Variants in DPYD observed in about 807,000 individuals in gnomAD.
The protein encoded by DPYD is dihydropyrimidine dehydrogenase, also known as dihydropyrimidine dehydrogenase [NADP(+)].
DPYD carries 109 observed loss-of-function variants against 116.2 expected under a neutral mutation model. The observed-to-expected ratio is 0.94, with a 90% CI of 0.80 to 1.10. DPYD has a LOEUF of 1.10. Among genes scored for constraint, DPYD ranks in the 50% least tolerant of loss-of-function variants. The pLI is 0.00. For missense variants in DPYD, 1,302 were observed against 1,254.5 expected (o/e 1.04, Z -0.57); for synonymous variants, 440 against 432.0 (o/e 1.02, Z -0.23).
chr1:97,519,619 T>C (rs2101986613), intron 12 of DPYD, among the ~76,000 whole-genome samples: 1 of 152,244 alleles, frequency 6.6e-6, no homozygotes, highest in South Asian at 2.1e-4. Flanking sequence ...GCTAGAACAA[T>C]CAAAGAGACT....
chr1:97,814,788 C>A (rs963120971), intron 3 of DPYD, among the ~76,000 whole-genome samples: 1 of 151,528 alleles, frequency 6.6e-6, no homozygotes, highest in Admixed American at 6.6e-5. Flanking sequence ...CCTGTAGTCC[C>A]AGCTACTCAG....
At chr1:97,815,247 C>T (rs1268574023) in intron 3 of DPYD, among the ~76,000 whole-genome samples, 1 of 151,860 alleles carries the variant, frequency 6.6e-6, no homozygotes, top group African/African-American at 2.4e-5. Flanking sequence ...TTAGGGGAGA[C>T]ATCAAAAGTA....
At chr1:97,192,602 C>T (rs866852640) in intron 20 of DPYD, among the ~76,000 whole-genome samples, 5 of 152,212 alleles carry the variant, frequency 3.3e-5, no homozygotes, top group South Asian at 4.1e-4. Context: ...GGACCATAAC[C>T]GTTTGAGACC....
At chr1:97,206,672 A>C (rs1246240623) in intron 19 of DPYD, among the ~76,000 whole-genome samples, 5 of 103,218 alleles carry the variant, frequency 4.8e-5, no homozygotes, top group East Asian at 3.0e-4. Context: ...ATATATATAT[A>C]TATATATATA....
chr1:97,890,726 C>A (rs2101658987), intron 1 of DPYD, among the ~76,000 whole-genome samples: 1 of 152,020 alleles, frequency 6.6e-6, no homozygotes, highest in Non-Finnish European at 1.5e-5. Context: ...GTTATTCTAA[C>A]ATTTAAAGCA....
At chr1:97,135,804 G>T (rs2101682122) in intron 20 of DPYD, among the ~76,000 whole-genome samples, 1 of 152,260 alleles carries the variant, frequency 6.6e-6, no homozygotes, top group South Asian at 2.1e-4. Flanking sequence ...AAAAGCAGAT[G>T]TCTAGACAGG....
chr1:97,724,614 T>G (rs1439813095), intron 4 of DPYD, among the ~76,000 whole-genome samples: 1 of 151,554 alleles, frequency 6.6e-6, no homozygotes, highest in Non-Finnish European at 1.5e-5. Flanking sequence ...GCTAGCATTT[T>G]GTTTTATTCA....
intron 18 of DPYD, among the ~76,000 whole-genome samples, chr1:97,257,041 T>A (rs1663528396): frequency 6.6e-6 from 1 of 151,962 alleles, no homozygotes; most frequent in African/African-American, 2.4e-5. Context: ...ATCAGAAGAC[T>A]CAGTGCACTG....
intron 19 of DPYD, 92 bp downstream of exon 19, chr1:97,234,760 C>CA: frequency 8.4e-6 from 13 of 1,542,670 alleles, no homozygotes; most frequent in Non-Finnish European, 1.1e-5. Context: ...TCAAGAGGCC[C>CA]AAAAACGAAT....
At chr1:97,408,994 T>C (rs1673827281) in intron 14 of DPYD, among the ~76,000 whole-genome samples, 1 of 152,136 alleles carries the variant, frequency 6.6e-6, no homozygotes, top group Non-Finnish European at 1.5e-5. Flanking sequence ...GTTTTGGGAC[T>C]TGGACTGGTT....
At position 97,514,339 on chromosome 1, in the gene DPYD, C is replaced by G. The variant is rs369565943; in HGVS notation, c.1740+1387G>C. 70 of 692,802 alleles carry G rather than the reference C, an allele frequency of 1.0e-4. 1 individual carries two copies. The South Asian group carries it at 4.3e-3, about 43-fold the overall frequency. 42.9% of individuals were successfully genotyped at this position (692,802 alleles called of 1,614,324 possible). On this transcript the variant is annotated intron_variant, in intron 13 of 22. Transcript: ENST00000370192. ...GAAGAAAACATCAAATTCAAAGCAG[C>G]AAACACCTCTTTTTTTCAGCTATAA...
At chr1:97,339,671 C>T (rs1475218700) in intron 16 of DPYD, among the ~76,000 whole-genome samples, 1 of 152,276 alleles carries the variant, frequency 6.6e-6, no homozygotes, top group African/African-American at 2.4e-5. Flanking sequence ...AGAAGCAAAT[C>T]TCTTCTTTAC....
At chr1:97,720,166 A>G in intron 5 of DPYD, 2 of 656,652 alleles carry the variant, frequency 3.0e-6, no homozygotes, top group South Asian at 1.4e-4. Context: ...TCTCTCTCTC[A>G]CACACACACA....
intron 18 of DPYD, among the ~76,000 whole-genome samples, chr1:97,267,781 CA>C (rs1193909810): frequency 6.6e-6 from 1 of 152,084 alleles, no homozygotes; most frequent in African/African-American, 2.4e-5. Context: ...GGGACACATT[CA>C]AACCACAGCA....
At chr1:97,421,349 A>G (rs1259154258) in intron 14 of DPYD, among the ~76,000 whole-genome samples, 1 of 152,140 alleles carries the variant, frequency 6.6e-6, no homozygotes, top group African/African-American at 2.4e-5. Context: ...TTTGCATGAA[A>G]AACCATTAGA....
intron 11 of DPYD, among the ~76,000 whole-genome samples, chr1:97,573,139 G>A (rs1221544831): frequency 6.6e-6 from 1 of 152,020 alleles, no homozygotes; most frequent in East Asian, 1.9e-4. Context: ...CTGTATGTGG[G>A]AAAAGTATAA....
chr1:97,693,582 CACAA>C (rs1219734985), intron 6 of DPYD, among the ~76,000 whole-genome samples: 2 of 152,006 alleles, frequency 1.3e-5, no homozygotes, highest in Non-Finnish European at 2.9e-5. Flanking sequence ...TGTATGTGGA[CACAA>C]ACAGACACAC....
intron 13 of DPYD, among the ~76,000 whole-genome samples, chr1:97,497,792 T>C (rs1176428896): frequency 5.3e-5 from 8 of 151,738 alleles, no homozygotes; most frequent in Admixed American, 5.3e-4. Context: ...AAGTTAAAAA[T>C]AGAGTTACCA....
At chr1:97,120,603 C>T (rs868490733) in intron 20 of DPYD, among the ~76,000 whole-genome samples, 1 of 152,234 alleles carries the variant, frequency 6.6e-6, no homozygotes, top group South Asian at 2.1e-4. Context: ...TCCTATGCCA[C>T]GACTTTACCT....
Sources: allele counts gnomAD v4.1 joint callset (sites outside exome capture counted in the v4.1 genomes callset), GRCh38; gene constraint gnomAD v4.1.1; transcripts MANE v1.5; gene names NCBI Gene and HGNC (gene_info 2026-07-23, HGNC 2026-07-21).